The following IGSF11 variants were observed in gnomAD, a reference collection of about 807,000 sequenced individuals.
IGSF11 encodes immunoglobulin superfamily member 11, also known as CXADR like 1.
IGSF11 carries 22 observed loss-of-function variants against 41.0 expected under a neutral mutation model. That is an observed-to-expected ratio of 0.54 (90% confidence interval 0.38 to 0.77). The LOEUF is 0.77. Ranked by LOEUF, IGSF11 falls within the 30% of genes least tolerant of loss-of-function variation. The probability of loss-of-function intolerance (pLI) is 0.00; values close to 1 mark genes in which losing one functional copy is unlikely to be tolerated. For missense variants in IGSF11, 444 were observed against 530.8 expected (o/e 0.84, Z 1.61); for synonymous variants, 219 against 201.3 (o/e 1.09, Z -0.74).
intron 1 of IGSF11, 98 bp from the exon 2 acceptor site, chr3:118,930,373 T>A: frequency 4.3e-6 from 5 of 1,174,252 alleles, no homozygotes; most frequent in Non-Finnish European, 3.5e-6. Context: ...CACATTATTA[T>A]TGATTATGTG....
chr3:119,097,928 C>T (rs928435858), intron 1 of IGSF11, among the ~76,000 whole-genome samples: 6 of 144,624 alleles, frequency 4.1e-5, no homozygotes, highest in Non-Finnish European at 7.5e-5. Flanking sequence ...GTAGCTAGGA[C>T]TACAGGCACA....
intron 1 of IGSF11, among the ~76,000 whole-genome samples, chr3:119,127,421 G>A (rs1484226123): frequency 1.3e-5 from 2 of 151,964 alleles, no homozygotes; most frequent in Non-Finnish European, 2.9e-5. Flanking sequence ...CAGGAGACAG[G>A]GAGAATGGAA....
At chr3:119,095,443 C>T (rs929216834) in intron 1 of IGSF11, among the ~76,000 whole-genome samples, 3 of 152,174 alleles carry the variant, frequency 2.0e-5, no homozygotes, top group African/African-American at 7.2e-5. Flanking sequence ...ATTCACTCTT[C>T]AAGTCTTAGC....
At chr3:119,096,918 C>T (rs974571238) in intron 1 of IGSF11, among the ~76,000 whole-genome samples, 8 of 152,154 alleles carry the variant, frequency 5.3e-5, no homozygotes, top group African/African-American at 1.9e-4. Flanking sequence ...ACTAGAAGTT[C>T]CCATGTTTGT....
In IGSF11 at chr3:119,006,225, C is replaced by T. The variant is rs371101256; in HGVS notation, c.52+28306G>A. ...TCTTTTCATTCATTTCATCTTCCAT[C>T]GCTGATACCCTTTCTTCCAGTTGAT... On this transcript the variant is annotated intron_variant, in intron 1 of 6. Transcript: ENST00000393775. 4.5e-3 allele frequency among the ~76,000 whole-genome samples: 563 copies of T among 126,162 alleles called. 2 individuals are homozygous for T. The highest frequency in any genetic ancestry group is 0.021 in the African/African-American group (523 of 25,408). 82.8% of individuals were successfully genotyped at this position (126,162 alleles called of 152,430 possible).
chr3:119,125,919 G>A (rs575214823), intron 1 of IGSF11, among the ~76,000 whole-genome samples: 239 of 152,308 alleles, frequency 1.6e-3, no homozygotes, highest in Middle Eastern at 3.4e-3. Flanking sequence ...GACCCCGCTC[G>A]CGAACCCATG....
chr3:119,007,353 G>A (rs1937570837), intron 1 of IGSF11, among the ~76,000 whole-genome samples: 2 of 142,882 alleles, frequency 1.4e-5, no homozygotes, highest in Middle Eastern at 3.4e-3. Flanking sequence ...ACTGGCCTGC[G>A]CCCACTGTCT....
intron 4 of IGSF11, among the ~76,000 whole-genome samples, chr3:118,907,237 G>A (rs1205123147): frequency 1.3e-5 from 2 of 152,152 alleles, no homozygotes; most frequent in East Asian, 1.9e-4. Context: ...AAGCAGACAC[G>A]AGGAGTCAGC....
intron 4 of IGSF11, among the ~76,000 whole-genome samples, chr3:118,914,064 T>C (rs1277800584): frequency 6.6e-6 from 1 of 152,158 alleles, no homozygotes. Context: ...GAGTTTTTTT[T>C]TACTTCTAGA....
At position 118,928,878 on chromosome 3, in the gene IGSF11, T is replaced by C. The variant is rs111929809; in HGVS notation, c.217-162A>G. On this transcript the variant is annotated intron_variant, in intron 2 of 6. Transcript: ENST00000393775. ...ACTTTTTTTTTACAGTATTTGTTCA[T>C]AGGTATCTTGGGGTTTTAAATTCTC... Among the ~76,000 whole-genome samples the C allele has an allele frequency of 8.5e-3, 1,295 of 152,268 alleles. 23 individuals carry two copies. Among genetic ancestry groups the C allele is most frequent in the African/African-American group, 0.03 (1,240 of 41,540 alleles).
At chr3:118,913,577 G>GA (rs1409057436) in intron 4 of IGSF11, among the ~76,000 whole-genome samples, 2 of 152,038 alleles carry the variant, frequency 1.3e-5, no homozygotes, top group African/African-American at 4.8e-5. Flanking sequence ...AGAGTGTAGG[G>GA]AAAAAAGATA....
chr3:118,908,613 G>C (rs140028341), intron 4 of IGSF11, among the ~76,000 whole-genome samples: 1 of 152,176 alleles, frequency 6.6e-6, no homozygotes, highest in Non-Finnish European at 1.5e-5. Context: ...TTAAAGAATA[G>C]GGAAAGTTCA....
chr3:119,045,303 G>C (rs903499667), intron 1 of IGSF11, among the ~76,000 whole-genome samples: 3 of 152,232 alleles, frequency 2.0e-5, no homozygotes, highest in Non-Finnish European at 4.4e-5. Context: ...TGCACGAGCC[G>C]AAGCAGGGCG....
At chr3:119,110,275 T>C (rs1325718371) in intron 1 of IGSF11, among the ~76,000 whole-genome samples, 1 of 152,096 alleles carries the variant, frequency 6.6e-6, no homozygotes, top group African/African-American at 2.4e-5. Context: ...TGGGTGCTCC[T>C]GTATTGGGTG....
chr3:118,975,363 T>TTTAAAAAAAAAAA (rs765744961), intron 1 of IGSF11, among the ~76,000 whole-genome samples: 2 of 140,700 alleles, frequency 1.4e-5, no homozygotes, highest in Admixed American at 7.1e-5. Context: ...CTGCTGGATT[T>TTTAAAAAAAAAAA]AAAAAAAAAA....
chr3:119,028,478 G>T (rs1347775075), intron 1 of IGSF11, among the ~76,000 whole-genome samples: 1 of 152,074 alleles, frequency 6.6e-6, no homozygotes, highest in South Asian at 2.1e-4. Context: ...TAACATACAG[G>T]TCCCTCAGGA....
At chr3:119,015,307 G>GA (rs761955381) in intron 1 of IGSF11, among the ~76,000 whole-genome samples, 24 of 152,098 alleles carry the variant, frequency 1.6e-4, no homozygotes, top group Non-Finnish European at 3.2e-4. Flanking sequence ...ATTTAGAAAT[G>GA]AAAACAATGC....
At chr3:118,938,041 A>ATGTG (rs142768013) in intron 1 of IGSF11, among the ~76,000 whole-genome samples, 9 of 149,094 alleles carry the variant, frequency 6.0e-5, no homozygotes, top group African/African-American at 9.8e-5. Flanking sequence ...TATATATAAA[A>ATGTG]TGTGTGTGTG....
chr3:119,118,089 A>C (rs2077283455), intron 1 of IGSF11, among the ~76,000 whole-genome samples: 1 of 152,090 alleles, frequency 6.6e-6, no homozygotes, highest in Admixed American at 6.5e-5. Context: ...GCACAGTGCA[A>C]AGTGTTGGTG....
Sources: gnomAD v4.1 joint callset for allele counts (sites outside exome capture counted in the v4.1 genomes callset) on GRCh38, gnomAD v4.1.1 for gene constraint, MANE v1.5 for transcripts, NCBI Gene and HGNC (gene_info 2026-07-23, HGNC 2026-07-21) for gene names.